Variants in TIAM1 observed in about 807,000 individuals in gnomAD.
The protein encoded by TIAM1 is TIAM Rac1 associated GEF 1.
A neutral mutation model predicts 163.5 loss-of-function variants in TIAM1; 65 were observed. That is an observed-to-expected ratio of 0.40 (90% CI 0.33 to 0.49). The LOEUF (loss-of-function observed/expected upper bound fraction) is 0.49, where lower values mean the gene tolerates loss of function less well. TIAM1 is among the 20% of genes least tolerant of loss of function. The pLI is 0.77. For synonymous variants in TIAM1, 833 were observed against 810.1 expected (o/e 1.03, Z -0.48); for missense variants, 1,789 against 2,044.7 (o/e 0.87, Z 2.41).
chr21:31,307,300 AG>A (rs2146975205), intron 2 of TIAM1, among the ~76,000 whole-genome samples: 1 of 152,320 alleles, frequency 6.6e-6, no homozygotes, highest in South Asian at 2.1e-4. Flanking sequence ...CTCAGCCAGC[AG>A]GTTGTGCAAA....
chr21:31,124,937 G>A (rs892458008), intron 26 of TIAM1, among the ~76,000 whole-genome samples: 8 of 152,120 alleles, frequency 5.3e-5, no homozygotes, highest in African/African-American at 1.4e-4. Flanking sequence ...GCCCATTAAC[G>A]AACAGATCTA....
At chr21:31,142,330 C>T (rs2082882501) in intron 20 of TIAM1, among the ~76,000 whole-genome samples, 1 of 151,892 alleles carries the variant, frequency 6.6e-6, no homozygotes, top group South Asian at 2.1e-4. Flanking sequence ...TTGAAAAAGG[C>T]AAGCATGCCG....
intron 2 of TIAM1, among the ~76,000 whole-genome samples, chr21:31,369,052 C>A (rs1424123880): frequency 6.8e-6 from 1 of 146,882 alleles, no homozygotes; most frequent in Non-Finnish European, 1.5e-5. Flanking sequence ...TGGTGAAACC[C>A]CATCTCTACT....
At chr21:31,239,289 ATTT>A in intron 6 of TIAM1, among the ~76,000 whole-genome samples, 1 of 151,858 alleles carries the variant, frequency 6.6e-6, no homozygotes, top group African/African-American at 2.4e-5. Context: ...TGTCCAGCTA[ATTT>A]TTTTTATTTT....
At chr21:31,471,190 G>A (rs1307228826) in intron 1 of TIAM1, among the ~76,000 whole-genome samples, 2 of 152,186 alleles carry the variant, frequency 1.3e-5, no homozygotes, top group East Asian at 1.9e-4. Context: ...CACAGGAAAT[G>A]CCCAGGTGGG....
At chr21:31,412,991 G>A (rs9978549) in intron 2 of TIAM1, among the ~76,000 whole-genome samples, 17,307 of 151,958 alleles carry the variant, frequency 0.11, 1,293 homozygotes, top group African/African-American at 0.21. Flanking sequence ...ACTGGTCCAT[G>A]GCCTGGGGAT....
intron 2 of TIAM1, among the ~76,000 whole-genome samples, chr21:31,323,235 C>T (rs2075374708): frequency 6.6e-6 from 1 of 151,074 alleles, no homozygotes; most frequent in South Asian, 2.1e-4. Flanking sequence ...TTGCAGTGAG[C>T]CAAGATCACG....
At chr21:31,438,791 T>C (rs2044313844) in intron 2 of TIAM1, among the ~76,000 whole-genome samples, 2 of 152,122 alleles carry the variant, frequency 1.3e-5, no homozygotes, top group Admixed American at 6.6e-5. Context: ...GTTCTGTGCA[T>C]TGTAGGATGT....
In TIAM1 at chr21:31,135,881, GAA is replaced by G. The variant is rs2082602294; in HGVS notation, c.3883+50_3883+51del. The G allele has an allele frequency of 2.0e-6, 3 of 1,516,986 alleles. No homozygotes were observed. The East Asian group carries it at 6.8e-5, about 34-fold the overall frequency. The allele number at this position is 1,516,986 out of a possible 1,614,324, so 94.0% of individuals were successfully genotyped here. A position where few individuals can be genotyped will look rare whatever the true frequency, so the allele number is the denominator to read the frequency against. ...CTTGAAAAAGAAATGTTCTTGTTTT[GAA>G]AACTAAGCTAGACTTTTCCCCCTCC... On this transcript the variant is annotated intron_variant, in intron 23 of 27. Transcript: ENST00000541036.
At chr21:31,469,079 CTTTTTTT>C (rs765505214) in intron 1 of TIAM1, among the ~76,000 whole-genome samples, 1 of 110,922 alleles carries the variant, frequency 9.0e-6, no homozygotes, top group African/African-American at 3.5e-5. Flanking sequence ...GAACCAATCC[CTTTTTTT>C]TTTTTTTTTT....
intron 1 of TIAM1, among the ~76,000 whole-genome samples, chr21:31,473,991 A>C (rs2045848566): frequency 6.6e-6 from 1 of 152,194 alleles, no homozygotes; most frequent in African/African-American, 2.4e-5. Flanking sequence ...GTTTCTGGTG[A>C]GGCCTCAAGA....
chr21:31,191,827 C>T (rs779729820), intron 13 of TIAM1, among the ~76,000 whole-genome samples: 1 of 152,130 alleles, frequency 6.6e-6, no homozygotes, highest in Non-Finnish European at 1.5e-5. Flanking sequence ...CAGTTTCATG[C>T]CCAGTTCCAA....
intron 2 of TIAM1, among the ~76,000 whole-genome samples, chr21:31,322,011 C>T (rs556163121): frequency 1.3e-5 from 2 of 152,102 alleles, no homozygotes; most frequent in Admixed American, 1.3e-4. Context: ...CAAGATCGTG[C>T]CACCTGCATG....
intron 1 of TIAM1, among the ~76,000 whole-genome samples, chr21:31,466,828 G>A (rs1420553568): frequency 6.6e-6 from 1 of 152,098 alleles, no homozygotes; most frequent in Non-Finnish European, 1.5e-5. Context: ...CGTACAATAA[G>A]GGGAAACTAC....
At chr21:31,392,656 GA>G (rs957373668) in intron 2 of TIAM1, among the ~76,000 whole-genome samples, 1 of 150,858 alleles carries the variant, frequency 6.6e-6, no homozygotes, top group Non-Finnish European at 1.5e-5. Flanking sequence ...ATCCCATACT[GA>G]AATGTGACCT....
chr21:31,359,737 C>T (rs12482264), intron 2 of TIAM1, among the ~76,000 whole-genome samples: 2,500 of 150,076 alleles, frequency 0.017, 23 homozygotes, highest in African/African-American at 0.024. Context: ...TGCAACAAGT[C>T]GAGATCACAC....
At chr21:31,397,842 G>A (rs1224858135) in intron 2 of TIAM1, among the ~76,000 whole-genome samples, 1 of 152,210 alleles carries the variant, frequency 6.6e-6, no homozygotes, top group African/African-American at 2.4e-5. Flanking sequence ...GAAATGAGAA[G>A]GGACAGAGGC....
intron 15 of TIAM1, among the ~76,000 whole-genome samples, chr21:31,173,492 A>G (rs1256326695): frequency 6.6e-6 from 1 of 151,846 alleles, no homozygotes; most frequent in Non-Finnish European, 1.5e-5. Context: ...CCTCCAACAA[A>G]GCTAAAAAAC....
intron 20 of TIAM1, among the ~76,000 whole-genome samples, chr21:31,142,013 C>A (rs67519914): frequency 0.085 from 12,879 of 152,102 alleles, 577 homozygotes; most frequent in Non-Finnish European, 0.094. Context: ...GTGGGGAGCA[C>A]ACATCTCGGC....
Sources: gnomAD v4.1 joint callset for allele counts (sites outside exome capture counted in the v4.1 genomes callset) on GRCh38, gnomAD v4.1.1 for gene constraint, MANE v1.5 for transcripts, NCBI Gene and HGNC (gene_info 2026-07-23, HGNC 2026-07-21) for gene names.